Variants in GPC6 observed in about 807,000 individuals in gnomAD.
GPC6 encodes the protein glypican 6, also known as glypican-6.
In GPC6, 14 loss-of-function variants were observed where a neutral mutation model predicts 55.2. The ratio of observed to expected loss-of-function variants is 0.25; its 90% CI spans 0.17 to 0.40. The LOEUF (loss-of-function observed/expected upper bound fraction) is 0.40. GPC6 is among the 10% of genes least tolerant of loss of function. GPC6 has a pLI of 1.00. For missense variants in GPC6, 641 were observed against 708.5 expected (o/e 0.90, Z 1.08); for synonymous variants, 278 against 259.6 (o/e 1.07, Z -0.68).
intron 4 of GPC6, among the ~76,000 whole-genome samples, chr13:94,165,540 C>G (rs1249648789): frequency 6.6e-6 from 1 of 151,946 alleles, no homozygotes; most frequent in African/African-American, 2.4e-5. Context: ...ATTGAGTTCA[C>G]TACATACCGC....
chr13:94,141,708 T>C (rs530089866), intron 4 of GPC6, among the ~76,000 whole-genome samples: 5 of 152,314 alleles, frequency 3.3e-5, no homozygotes, highest in South Asian at 2.1e-4. Context: ...CAATAACTTA[T>C]CCTCTCAAAC....
At chr13:93,896,409 T>G (rs1241991217) in intron 3 of GPC6, among the ~76,000 whole-genome samples, 2 of 151,998 alleles carry the variant, frequency 1.3e-5, no homozygotes, top group Non-Finnish European at 2.9e-5. Flanking sequence ...ATTTTTAACC[T>G]CCAAAATTCT....
intron 2 of GPC6, among the ~76,000 whole-genome samples, chr13:93,667,354 T>A (rs1881180984): frequency 6.6e-6 from 1 of 151,664 alleles, no homozygotes; most frequent in South Asian, 2.1e-4. Flanking sequence ...GAGAGAAAAA[T>A]CCATGGTCAA....
At chr13:93,954,070 A>T (rs1594617097) in intron 3 of GPC6, among the ~76,000 whole-genome samples, 1 of 151,606 alleles carries the variant, frequency 6.6e-6, no homozygotes, top group South Asian at 2.1e-4. Flanking sequence ...GTCCTCCCTC[A>T]CCCCTACCTC....
intron 4 of GPC6, among the ~76,000 whole-genome samples, chr13:94,169,105 G>C (rs1476307325): frequency 6.6e-6 from 1 of 152,174 alleles, no homozygotes; most frequent in Non-Finnish European, 1.5e-5. Context: ...TTTCATGAAG[G>C]CTTGAGCAAG....
intron 4 of GPC6, among the ~76,000 whole-genome samples, chr13:94,139,901 A>G (rs1887315429): frequency 6.6e-6 from 1 of 152,182 alleles, no homozygotes; most frequent in Non-Finnish European, 1.5e-5. Flanking sequence ...TAACATTGAC[A>G]CATAGTAAGA....
chr13:93,469,873 A>G (rs539781540), intron 1 of GPC6, among the ~76,000 whole-genome samples: 3 of 152,204 alleles, frequency 2.0e-5, no homozygotes, highest in Non-Finnish European at 4.4e-5. Context: ...CTGAAAAGGG[A>G]ATCTTTTTTC....
intron 4 of GPC6, among the ~76,000 whole-genome samples, chr13:94,176,458 A>G (rs1888774525): frequency 6.6e-6 from 1 of 152,186 alleles, no homozygotes; most frequent in Non-Finnish European, 1.5e-5. Context: ...TACATCCCCA[A>G]AGCAAAGCCT....
chr13:93,864,973 C>T (rs1384416461), intron 3 of GPC6, among the ~76,000 whole-genome samples: 1 of 151,684 alleles, frequency 6.6e-6, no homozygotes, highest in African/African-American at 2.4e-5. Flanking sequence ...TTTCAAAATA[C>T]ACTCAGAAAT....
intron 4 of GPC6, among the ~76,000 whole-genome samples, chr13:94,245,401 TA>T (rs200861063): frequency 4.9e-4 from 71 of 145,888 alleles, no homozygotes; most frequent in East Asian, 2.4e-3. Flanking sequence ...CTATATAAAA[TA>T]AAAAAAAAAA....
chr13:94,266,904 A>G (rs1891835152), intron 4 of GPC6, among the ~76,000 whole-genome samples: 2 of 152,220 alleles, frequency 1.3e-5, no homozygotes, highest in Non-Finnish European at 2.9e-5. Flanking sequence ...TCTTGCATTG[A>G]TCTTCAACGG....
At chr13:94,252,908 G>T (rs937817109) in intron 4 of GPC6, among the ~76,000 whole-genome samples, 2 of 150,264 alleles carry the variant, frequency 1.3e-5, no homozygotes, top group Non-Finnish European at 3.0e-5. Flanking sequence ...GATAATTAGA[G>T]TTTTCTGGGG....
At chr13:93,384,809 C>T (rs1875329803) in intron 1 of GPC6, among the ~76,000 whole-genome samples, 1 of 152,204 alleles carries the variant, frequency 6.6e-6, no homozygotes, top group African/African-American at 2.4e-5. Flanking sequence ...GAGATACCCT[C>T]CCGTGGTTTA....
intron 3 of GPC6, among the ~76,000 whole-genome samples, chr13:93,937,869 C>T (rs916294043): frequency 2.1e-4 from 32 of 152,058 alleles, no homozygotes; most frequent in African/African-American, 7.5e-4. Context: ...ATGAGCACCA[C>T]GCCTGGCTAT....
intron 2 of GPC6, among the ~76,000 whole-genome samples, chr13:93,631,280 G>T (rs9589798): frequency 0.46 from 70,018 of 151,480 alleles, 18,052 homozygotes; most frequent in Middle Eastern, 0.61. Flanking sequence ...CCTCCCTGCT[G>T]CAAATGGCAT....
intron 4 of GPC6, among the ~76,000 whole-genome samples, chr13:94,069,341 G>C (rs1884647386): frequency 1.3e-5 from 2 of 152,086 alleles, no homozygotes; most frequent in African/African-American, 4.8e-5. Flanking sequence ...CCCTGGACCT[G>C]GCCCATAAAA....
chr13:94,117,861 A>G (rs1212522446), intron 4 of GPC6, among the ~76,000 whole-genome samples: 2 of 152,146 alleles, frequency 1.3e-5, no homozygotes, highest in African/African-American at 4.8e-5. Flanking sequence ...CTGAATATAG[A>G]TTTGGAGGTT....
Position 93,406,144 on chromosome 13 carries a change from T to C in GPC6, c.161-139119T>C, listed in dbSNP as rs549413303. Among the ~76,000 whole-genome samples, 4 of 152,336 alleles carry C rather than the reference T, an allele frequency of 2.6e-5. No individual in the cohort carries two copies. The South Asian group carries it at 8.3e-4, about 32-fold the overall frequency. On this transcript the variant is annotated intron_variant, in intron 1 of 8. Coordinates refer to ENST00000377047, the MANE Select transcript of GPC6 (RefSeq NM_005708.5). ...AATGTTTGGTGAAGTAGACTCTGCC[T>C]CTTGGTGGAAAGAGTGATGAAGAAT...
intron 2 of GPC6, among the ~76,000 whole-genome samples, chr13:93,767,995 A>T (rs1490073091): frequency 1.3e-5 from 2 of 152,166 alleles, no homozygotes; most frequent in Non-Finnish European, 2.9e-5. Flanking sequence ...ACTAAAAAAA[A>T]ACCTAAGGGT....
Sources: allele counts gnomAD v4.1 joint callset (sites outside exome capture counted in the v4.1 genomes callset), GRCh38; gene constraint gnomAD v4.1.1; transcripts MANE v1.5; gene names NCBI Gene and HGNC (gene_info 2026-07-23, HGNC 2026-07-21).